Variants in KAT6B observed in about 807,000 individuals in gnomAD.
KAT6B encodes histone acetyltransferase KAT6B.
In KAT6B, 10 loss-of-function variants were observed where a neutral mutation model predicts 187.5. That is an observed-to-expected ratio of 0.05 (90% CI 0.03 to 0.09). The LOEUF (loss-of-function observed/expected upper bound fraction) is 0.09. Ranked by LOEUF, KAT6B falls within the 10% of genes least tolerant of loss-of-function variation. The probability of loss-of-function intolerance (pLI) is 1.00; values close to 1 mark genes in which losing one functional copy is unlikely to be tolerated. For synonymous variants in KAT6B, 861 were observed against 926.8 expected (o/e 0.93, Z 1.29); for missense variants, 1,952 against 2,558.9 (o/e 0.76, Z 5.12).
chr10:74,990,211 A>C (rs1454197183), intron 13 of KAT6B, among the ~76,000 whole-genome samples: 1 of 145,778 alleles, frequency 6.9e-6, no homozygotes, highest in African/African-American at 2.6e-5. Flanking sequence ...AAAAAAAAAA[A>C]AAAAAAAAAA....
At chr10:74,972,969 A>G (rs1589732149) in intron 7 of KAT6B, among the ~76,000 whole-genome samples, 1 of 152,290 alleles carries the variant, frequency 6.6e-6, no homozygotes, top group East Asian at 1.9e-4. Flanking sequence ...TTATGTAAAT[A>G]TTTTCATAGG....
intron 3 of KAT6B, among the ~76,000 whole-genome samples, chr10:74,915,978 A>G (rs1352515670): frequency 1.3e-5 from 2 of 152,124 alleles, no homozygotes; most frequent in African/African-American, 4.8e-5. Context: ...TAGCCTGGCC[A>G]ACAGAGAAAC....
chr10:74,875,479 T>C (rs1046659877), intron 3 of KAT6B, among the ~76,000 whole-genome samples: 5 of 151,804 alleles, frequency 3.3e-5, no homozygotes, highest in Admixed American at 6.6e-5. Context: ...TTTTTCTTTT[T>C]TTTTTTTTTT....
chr10:74,991,678 G>C (rs991903080), intron 13 of KAT6B, among the ~76,000 whole-genome samples: 5 of 152,180 alleles, frequency 3.3e-5, no homozygotes, highest in Non-Finnish European at 7.3e-5. Context: ...ACTGGAGTGA[G>C]TTAAGAAGTG....
At chr10:74,835,109 TACTAAGTGGGA>T (rs1434542919) in intron 1 of KAT6B, among the ~76,000 whole-genome samples, 2 of 152,168 alleles carry the variant, frequency 1.3e-5, no homozygotes, top group Admixed American at 1.3e-4. Context: ...GTAAGCATAA[TACTAAGTGGGA>T]AATGAATGTC....
intron 1 of KAT6B, among the ~76,000 whole-genome samples, chr10:74,838,466 T>C (rs943728884): frequency 2.0e-5 from 3 of 152,204 alleles, no homozygotes; most frequent in South Asian, 4.1e-4. Context: ...TTTACTTCTA[T>C]AGGCACTTGG....
chr10:75,009,147 T>C (rs1564618927), intron 13 of KAT6B, among the ~76,000 whole-genome samples: 1 of 152,254 alleles, frequency 6.6e-6, no homozygotes, highest in Non-Finnish European at 1.5e-5. Flanking sequence ...TGCAGTGTGA[T>C]TGATTCCTTG....
intron 13 of KAT6B, among the ~76,000 whole-genome samples, chr10:74,997,453 C>A (rs1489595083): frequency 6.6e-6 from 1 of 152,066 alleles, no homozygotes; most frequent in Non-Finnish European, 1.5e-5. Flanking sequence ...GTGCTTTTAG[C>A]CCCATTCTAT....
upstream of KAT6B, among the ~76,000 whole-genome samples, chr10:74,825,368 C>G (rs1840108939): frequency 6.8e-6 from 1 of 146,640 alleles, no homozygotes; most frequent in African/African-American, 2.5e-5. The surrounding 1 kb of genome is among the most constrained non-coding windows in gnomAD (Gnocchi z 5.0). Flanking sequence ...CAGGTACCCC[C>G]GGGGCGGAGA....
chr10:74,861,625 C>T (rs1589495757), intron 3 of KAT6B, among the ~76,000 whole-genome samples: 1 of 152,166 alleles, frequency 6.6e-6, no homozygotes, highest in East Asian at 1.9e-4. Flanking sequence ...GCTCCTTGAT[C>T]TGTACATGTA....
intron 10 of KAT6B, 84 bp downstream of exon 10, chr10:74,979,423 G>A: frequency 2.0e-6 from 2 of 990,010 alleles, no homozygotes; most frequent in Non-Finnish European, 3.2e-6. Flanking sequence ...GCAGGAATTA[G>A]GGATGATTTT....
In KAT6B at chr10:74,906,069, A is replaced by G. The variant is rs576085867; in HGVS notation, c.622-53901A>G. Among the ~76,000 whole-genome samples the G allele has an allele frequency of 2.2e-4, 34 of 152,302 alleles. 1 individual carries two copies. In the South Asian group the frequency reaches 6.8e-3, roughly 31 times the overall value. ...GAAATATGGCAAAATCTGGTCTGAA[A>G]AATAGGAAAAAATATAGCAATAACT... On this transcript the variant is annotated intron_variant, in intron 3 of 17. Transcript: ENST00000287239.
intron 3 of KAT6B, among the ~76,000 whole-genome samples, chr10:74,891,815 C>G (rs1347987555): frequency 6.6e-6 from 1 of 152,194 alleles, no homozygotes; most frequent in Non-Finnish European, 1.5e-5. Flanking sequence ...CATTGTTTAT[C>G]ATTACCAGTG....
At chr10:74,888,337 A>G (rs978057166) in intron 3 of KAT6B, among the ~76,000 whole-genome samples, 2 of 152,234 alleles carry the variant, frequency 1.3e-5, no homozygotes, top group African/African-American at 4.8e-5. Flanking sequence ...GACTAGGAGA[A>G]AATAGACCAT....
intron 12 of KAT6B, 80 bp from the exon 13 acceptor site, chr10:74,988,939 T>C (rs781231951): frequency 2.1e-6 from 2 of 973,218 alleles, no homozygotes; most frequent in Non-Finnish European, 3.4e-6. Context: ...TGGACAGTTT[T>C]ACAAGGACAG....
intron 1 of KAT6B, among the ~76,000 whole-genome samples, chr10:74,828,591 G>A (rs1447404925): frequency 1.1e-4 from 13 of 121,940 alleles, no homozygotes; most frequent in South Asian, 2.4e-4. Context: ...TTTTTGAGAC[G>A]GAGTCTCAGT....
intron 3 of KAT6B, among the ~76,000 whole-genome samples, chr10:74,951,721 T>A (rs1333809299): frequency 2.0e-5 from 3 of 152,220 alleles, no homozygotes; most frequent in African/African-American, 7.2e-5. Flanking sequence ...TTATTATGTG[T>A]GTCAGAGTAA....
At chr10:74,888,805 T>C (rs1224661357) in intron 3 of KAT6B, among the ~76,000 whole-genome samples, 2 of 152,180 alleles carry the variant, frequency 1.3e-5, no homozygotes, top group African/African-American at 4.8e-5. Context: ...AGCCAGCATA[T>C]AGAATGCGAT....
At position 74,972,606 on chromosome 10, in the gene KAT6B, G is replaced by A; in HGVS notation, c.1028G>A (p.Gly343Glu). ...AAACGACGATATGCAAAACCCATTG[G>A]ACGACCGAAAAATAAATTAAAGCAA... ...QIKRRYAKPI[G>E]RPKNKLKQRL... is the part of the protein sequence containing the mutation. The change falls in exon 7 of 18, where the codon GGA becomes GAA. Residue 343 changes from glycine (G) to glutamate (E), a missense_variant. Gly to Glu is a moderately conservative substitution (Grantham distance 98). Around this residue, in one of 9 missense-constraint regions of KAT6B, gnomAD observed 417 missense variants for 508.9 expected, o/e 0.82. Transcript: ENST00000287239. The A allele has an allele frequency of 6.2e-7, 1 of 1,613,390 alleles. No individual in the cohort carries two copies. The highest frequency in any genetic ancestry group is 8.5e-7 in the Non-Finnish European group (1 of 1,179,532).
Sources: allele counts gnomAD v4.1 joint callset (sites outside exome capture counted in the v4.1 genomes callset), GRCh38; gene constraint gnomAD v4.1.1; regional missense constraint gnomAD v4.1.1; non-coding constraint Gnocchi (gnomAD v3.1); transcripts MANE v1.5; gene names NCBI Gene and HGNC (gene_info 2026-07-23, HGNC 2026-07-21).